Variants in SNX18 observed in about 807,000 individuals in gnomAD.
The protein encoded by SNX18 is sorting nexin-18.
In SNX18, 35 loss-of-function variants were observed where a neutral mutation model predicts 48.7. The observed-to-expected ratio is 0.72, with a 90% CI of 0.55 to 0.95. The LOEUF (loss-of-function observed/expected upper bound fraction) is 0.95, where lower values mean the gene tolerates loss of function less well. Among genes scored for constraint, SNX18 ranks in the 40% least tolerant of loss-of-function variants. The probability of loss-of-function intolerance (pLI) is 0.00; values close to 1 mark genes in which losing one functional copy is unlikely to be tolerated. For synonymous variants in SNX18, 492 were observed against 384.7 expected (o/e 1.28, Z -3.26); for missense variants, 824 against 871.0 (o/e 0.95, Z 0.68).
Position 54,543,268 on chromosome 5 carries a change from A to G in SNX18, c.1711A>G (p.Asn571Asp). ...GGCTGACGGCATTCAGGATCGCTGT[A>G]ACACTATTTCTTTTGCCACTTTGGC... Reference protein sequence around the residue: ...QKADGIQDRCNTISFATLAEI... With the variant: ...QKADGIQDRCDTISFATLAEI... The change falls in exon 2 of 2, where the codon AAC becomes GAC. Residue 571 changes from asparagine (N) to aspartate (D), a missense_variant. Coordinates refer to ENST00000381410, the MANE Select transcript of SNX18 (RefSeq NM_001102575.2). 1 of 1,614,214 alleles carries G rather than the reference A, an allele frequency of 6.2e-7. No homozygotes were observed. The highest frequency in any genetic ancestry group is 1.1e-5 in the South Asian group (1 of 91,088).
At chr5:54,585,314 C>A in the SNX18 span, among the ~76,000 whole-genome samples, 14 of 145,698 alleles carry the variant, frequency 9.6e-5, no homozygotes, top group African/African-American at 3.6e-4. Context: ...AAAAAAAAAA[C>A]AGAGTAATAT....
At chr5:54,519,665 A>C (rs2548612) in intron 1 of SNX18, 92 bp downstream of exon 1, 866,507 of 1,613,882 alleles carry the variant, frequency 0.54, 233,954 homozygotes, top group Non-Finnish European at 0.55. Flanking sequence ...GGGTTTCAGA[A>C]TCATATTCTA....
At chr5:54,593,192 T>G in the SNX18 span, among the ~76,000 whole-genome samples, 2 of 152,236 alleles carry the variant, frequency 1.3e-5, no homozygotes, top group Admixed American at 1.3e-4. Context: ...GTTGCAATTT[T>G]CTCTGGAAGG....
At chr5:54,551,666 G>A in the SNX18 span, among the ~76,000 whole-genome samples, 1 of 152,152 alleles carries the variant, frequency 6.6e-6, no homozygotes, top group African/African-American at 2.4e-5. Context: ...GCAGAGCTGG[G>A]AATTGAATGC....
chr5:54,519,958 T>C (rs2112835064), intron 1 of SNX18: 1 of 827,938 alleles, frequency 1.2e-6, no homozygotes, highest in Middle Eastern at 3.8e-4. Context: ...CACTTAGTGG[T>C]GAGTTTCAAA....
chr5:54,579,326 G>A, the SNX18 span, among the ~76,000 whole-genome samples: 1 of 132,706 alleles, frequency 7.5e-6, no homozygotes, highest in Non-Finnish European at 1.6e-5. Context: ...CTGGGTGAGA[G>A]AGCCAGACCC....
the SNX18 span, among the ~76,000 whole-genome samples, chr5:54,574,562 A>G: frequency 2.0e-5 from 3 of 152,220 alleles, no homozygotes; most frequent in Non-Finnish European, 4.4e-5. Flanking sequence ...GACATTTATT[A>G]CTATGGAAAA....
the SNX18 span, among the ~76,000 whole-genome samples, chr5:54,553,907 G>T: frequency 6.6e-6 from 1 of 152,278 alleles, no homozygotes; most frequent in East Asian, 1.9e-4. Context: ...GCCCAGTCAG[G>T]GTGCTGCTAC....
the SNX18 span, among the ~76,000 whole-genome samples, chr5:54,581,553 C>A: frequency 6.6e-6 from 1 of 152,132 alleles, no homozygotes; most frequent in Non-Finnish European, 1.5e-5. Flanking sequence ...GCTCAGCTCT[C>A]TCTGTGGGTC....
At chr5:54,615,470 T>C in the SNX18 span, among the ~76,000 whole-genome samples, 1 of 152,218 alleles carries the variant, frequency 6.6e-6, no homozygotes, top group African/African-American at 2.4e-5. Flanking sequence ...AAGGATGTTC[T>C]ACCCTTGCCC....
Position 54,531,629 on chromosome 5 carries a change from G to A in SNX18, c.1622-11550G>A, listed in dbSNP as rs541553520. ...AGATGCTTTGTTCTGTCTTTAGTTG[G>A]TTATTTATGATTTCATACAAGGATG... On this transcript the variant is annotated intron_variant, in intron 1 of 1. Transcript: ENST00000381410. 2.6e-5 allele frequency among the ~76,000 whole-genome samples: 4 copies of A among 152,226 alleles called. No homozygotes were observed. The South Asian group carries it at 8.3e-4, about 32-fold the overall frequency.
the SNX18 span, among the ~76,000 whole-genome samples, chr5:54,600,567 TG>T: frequency 6.6e-6 from 1 of 152,182 alleles, no homozygotes; most frequent in East Asian, 1.9e-4. Context: ...AGCAAGGACA[TG>T]GAATCAACCC....
intron 1 of SNX18, among the ~76,000 whole-genome samples, chr5:54,523,518 T>C (rs1378347459): frequency 6.6e-6 from 1 of 152,232 alleles, no homozygotes; most frequent in African/African-American, 2.4e-5. Context: ...GAAATGTCTT[T>C]CTTCTAGAGA....
At position 54,519,006 on chromosome 5, in the gene SNX18, C is replaced by T; in HGVS notation, c.1054C>T (p.Arg352Cys). 1 of 1,613,432 alleles carries T rather than the reference C, an allele frequency of 6.2e-7. No individual in the cohort carries two copies. Among genetic ancestry groups the T allele is most frequent in the Non-Finnish European group, 8.5e-7 (1 of 1,179,744 alleles). Residue 352 changes from arginine (R) to cysteine (C), a missense_variant, in exon 1 of 2, where the codon CGC (arginine) becomes TGC (cysteine). Around this residue, in one of 3 missense-constraint regions of SNX18, gnomAD observed 443 missense variants for 503.6 expected, o/e 0.88. Coordinates refer to ENST00000381410, the MANE Select transcript of SNX18 (RefSeq NM_001102575.2). ...CTTCGAGGAGGACTTCATCTCTAAG[C>T]GCAGGAAGGGCCTGATCTGGTGGAT... ...GRFEEDFISK[R>C]RKGLIWWMNH...
At chr5:54,631,945 T>C in the SNX18 span, among the ~76,000 whole-genome samples, 1 of 152,184 alleles carries the variant, frequency 6.6e-6, no homozygotes, top group Non-Finnish European at 1.5e-5. Context: ...CACTAAACAT[T>C]GACTTTCTTT....
the SNX18 span, among the ~76,000 whole-genome samples, chr5:54,588,728 A>G: frequency 6.6e-6 from 1 of 152,178 alleles, no homozygotes; most frequent in Non-Finnish European, 1.5e-5. Context: ...ATTGGGTAAC[A>G]GTACTGTCAT....
At chr5:54,528,996 T>C (rs1050216193) in intron 1 of SNX18, among the ~76,000 whole-genome samples, 9 of 152,190 alleles carry the variant, frequency 5.9e-5, no homozygotes, top group Non-Finnish European at 1.2e-4. Context: ...GATGTGCTGC[T>C]GGGTTTACAG....
At chr5:54,561,753 CA>C in the SNX18 span, among the ~76,000 whole-genome samples, 2 of 152,146 alleles carry the variant, frequency 1.3e-5, no homozygotes, top group South Asian at 4.1e-4. Flanking sequence ...AACAGACTAA[CA>C]GTGATGTTTG....
chr5:54,548,904 A>G (rs1762613279), downstream of SNX18, among the ~76,000 whole-genome samples: 1 of 152,186 alleles, frequency 6.6e-6, no homozygotes. Flanking sequence ...AAGTCATAGA[A>G]TGGCATAATA....
Sources: allele counts gnomAD v4.1 joint callset (sites outside exome capture counted in the v4.1 genomes callset), GRCh38; gene constraint gnomAD v4.1.1; regional missense constraint gnomAD v4.1.1; transcripts MANE v1.5; gene names NCBI Gene and HGNC (gene_info 2026-07-23, HGNC 2026-07-21).